The following NAV1 variants were observed in gnomAD, a reference collection of about 807,000 sequenced individuals.
NAV1 encodes the protein pore membrane and/or filament interacting like protein 3.
In NAV1, 18 loss-of-function variants were observed where a neutral mutation model predicts 175.2. That is an observed-to-expected ratio of 0.10 (90% CI 0.07 to 0.15). The LOEUF (loss-of-function observed/expected upper bound fraction) is 0.15, where lower values mean the gene tolerates loss of function less well. Ranked by LOEUF, NAV1 falls within the 10% of genes least tolerant of loss-of-function variation. NAV1 has a pLI of 1.00. For synonymous variants in NAV1, 897 were observed against 978.7 expected (o/e 0.92, Z 1.56); for missense variants, 1,731 against 2,436.6 (o/e 0.71, Z 6.10).
rs183535993 is a variant in NAV1, at chr1:201,786,842, C to A, written c.2995+265C>A. Among the ~76,000 whole-genome samples the A allele has an allele frequency of 6.8e-4, 103 of 152,290 alleles. 2 individuals are homozygous for A. Among genetic ancestry groups the A allele is most frequent in the Admixed American group, 6.5e-3 (100 of 15,296 alleles). On this transcript the variant is annotated intron_variant, in intron 9 of 29. Transcript: ENST00000367296. ...GAATGGTGGCATGGAAAAGCTGTAA[C>A]CCAAAGCCCAGAGATCAGACCAGTG...
At chr1:201,704,559 G>A (rs1020283280) in intron 1 of NAV1, among the ~76,000 whole-genome samples, 25 of 152,266 alleles carry the variant, frequency 1.6e-4, no homozygotes, top group Admixed American at 1.5e-3. Flanking sequence ...TTGTTCTGAA[G>A]GCCAGGGACA....
At chr1:201,621,965 G>C (rs1425805678), upstream of NAV1, among the ~76,000 whole-genome samples, 1 of 152,234 alleles carries the variant, frequency 6.6e-6, no homozygotes, top group African/African-American at 2.4e-5. Flanking sequence ...GGGGAAGCTG[G>C]TGAAGGGGGA....
chr1:201,791,114 G>T, intron 13 of NAV1: 1 of 265,918 alleles, frequency 3.8e-6, no homozygotes, highest in Non-Finnish European at 7.3e-6. Context: ...AGCAGTTATG[G>T]ATTATAATTA....
intron 3 of NAV1, chr1:201,739,634 A>T: frequency 3.8e-6 from 1 of 260,136 alleles, no homozygotes; most frequent in Non-Finnish European, 6.3e-6. Context: ...CCCAGGGGTT[A>T]ATTTCGGAGC....
At chr1:201,629,557 T>C (rs572718216) in intron 2 of NAV1, 50 bp downstream of exon 4, 17 of 1,194,896 alleles carry the variant, frequency 1.4e-5, no homozygotes, top group Admixed American at 2.7e-5. Flanking sequence ...GCCACTGTGC[T>C]AGAGCTGCCT....
intron 3 of NAV1, among the ~76,000 whole-genome samples, chr1:201,752,124 A>G (rs956443341): frequency 2.0e-5 from 3 of 152,146 alleles, no homozygotes; most frequent in Non-Finnish European, 4.4e-5. Context: ...CAACAAAGAT[A>G]TTTCACCAAG....
chr1:201,816,829 A>C (rs1679065951), intron 28 of NAV1: 1 of 442,630 alleles, frequency 2.3e-6, no homozygotes, highest in Non-Finnish European at 4.1e-6. Context: ...ATGCATGGCT[A>C]ATTTTTTTTT....
intron 2 of NAV1, among the ~76,000 whole-genome samples, chr1:201,611,702 C>T (rs749385509): frequency 7.9e-5 from 12 of 152,206 alleles, no homozygotes; most frequent in Non-Finnish European, 1.8e-4. Context: ...AAGTTGTGTG[C>T]CCAAGGTACG....
At chr1:201,730,481 A>G (rs975486685) in intron 3 of NAV1, among the ~76,000 whole-genome samples, 4 of 152,206 alleles carry the variant, frequency 2.6e-5, no homozygotes, top group East Asian at 3.9e-4. Flanking sequence ...GCCTGTGAGC[A>G]TGACAGGGGC....
chr1:201,662,997 T>C (rs1372518191), intron 1 of NAV1, among the ~76,000 whole-genome samples: 1 of 141,400 alleles, frequency 7.1e-6, no homozygotes, highest in Non-Finnish European at 1.6e-5. Context: ...TCTGCATTCT[T>C]GCTCCCTCTG....
chr1:201,746,794 A>T (rs1253976134), intron 3 of NAV1, among the ~76,000 whole-genome samples: 1 of 152,068 alleles, frequency 6.6e-6, no homozygotes, highest in Non-Finnish European at 1.5e-5. Flanking sequence ...TGAGCCTAGG[A>T]GTTTAAGACC....
intron 1 of NAV1, among the ~76,000 whole-genome samples, chr1:201,627,442 T>G (rs1346046208): frequency 6.6e-6 from 1 of 151,968 alleles, no homozygotes; most frequent in African/African-American, 2.4e-5. Context: ...CTGGCTAATT[T>G]TTGTATTTTT....
intron 1 of NAV1, among the ~76,000 whole-genome samples, chr1:201,691,411 T>C (rs1197227716): frequency 6.6e-6 from 1 of 152,238 alleles, no homozygotes; most frequent in African/African-American, 2.4e-5. Flanking sequence ...GGCAGACTTT[T>C]TTATTTTGTT....
At chr1:201,619,813 C>A (rs74136650), upstream of NAV1, among the ~76,000 whole-genome samples, 1,223 of 152,340 alleles carry the variant, frequency 8.0e-3, 15 homozygotes, top group African/African-American at 0.028. Flanking sequence ...CAGGCCTAGA[C>A]CATGGGCAGC....
At chr1:201,683,904 T>C (rs1220552532) in intron 1 of NAV1, among the ~76,000 whole-genome samples, 3 of 152,158 alleles carry the variant, frequency 2.0e-5, no homozygotes, top group Non-Finnish European at 2.9e-5. Flanking sequence ...AATTCTTCTT[T>C]ATGGGAGATT....
rs113318147 is a variant in NAV1, at chr1:201,764,859, C to A, written c.1227-15562C>A. ...TCGGTTCTCCAGACCAGTTACTTTT[C>A]TTTTGCCACTGGCAAGATGGCGTCT... is the stretch of plus-strand genomic sequence containing the variant. On this transcript the variant is annotated intron_variant, in intron 3 of 29. Transcript: ENST00000367296. 2.2e-3 allele frequency among the ~76,000 whole-genome samples: 328 copies of A among 152,342 alleles called. 5 individuals are homozygous for A. The highest frequency in any genetic ancestry group is 7.4e-3 in the African/African-American group (309 of 41,580).
Position 201,788,650 on chromosome 1 carries a change from T to C in NAV1, c.3166+12T>C, listed in dbSNP as rs1453478770. 5.6e-6 allele frequency: 9 copies of C among 1,600,822 alleles called. No individual in the cohort carries two copies. Among genetic ancestry groups the C allele is most frequent in the Non-Finnish European group, 6.8e-6 (8 of 1,172,090 alleles). On this transcript the variant is annotated intron_variant, in intron 10 of 29. Coordinates refer to ENST00000367296, the Ensembl canonical transcript of NAV1. The surrounding 1 kb of genome is among the most constrained non-coding windows in gnomAD (Gnocchi z 5.7). Reference sequence around the variant, plus strand: ...CCCCACGGACGATGGTGAGACTTCATGCTAGCGCGGTTCACGCTCATTCCA... The same window carrying C: ...CCCCACGGACGATGGTGAGACTTCACGCTAGCGCGGTTCACGCTCATTCCA...
chr1:201,585,961 T>A (rs1225682524), intron 1 of NAV1, among the ~76,000 whole-genome samples: 1 of 152,190 alleles, frequency 6.6e-6, no homozygotes, highest in Admixed American at 6.5e-5. Context: ...CAATTCCACG[T>A]CTCAGTAGAC....
chr1:201,615,704 C>G (rs1667984031), intron 2 of NAV1, among the ~76,000 whole-genome samples: 1 of 152,228 alleles, frequency 6.6e-6, no homozygotes, highest in African/African-American at 2.4e-5. Flanking sequence ...CTTAACTTTT[C>G]TAAAGCCACA....
Sources: gnomAD v4.1 joint callset for allele counts (sites outside exome capture counted in the v4.1 genomes callset) on GRCh38, gnomAD v4.1.1 for gene constraint, Gnocchi (gnomAD v3.1) non-coding constraint, MANE v1.5 for transcripts, NCBI Gene and HGNC (gene_info 2026-07-23, HGNC 2026-07-21) for gene names.